Variants in SULT2B1 observed in about 807,000 individuals in gnomAD.
SULT2B1 encodes the protein sulfotransferase 2B1.
Under a neutral mutation model 33.2 loss-of-function variants are expected in SULT2B1, and 16 were observed. The observed-to-expected ratio is 0.48, with a 90% confidence interval of 0.33 to 0.73. SULT2B1 has a LOEUF of 0.73. SULT2B1 is among the 30% of genes least tolerant of loss of function. SULT2B1 has a pLI of 0.02. For missense variants in SULT2B1, 500 were observed against 506.0 expected (o/e 0.99, Z 0.11); for synonymous variants, 186 against 200.5 (o/e 0.93, Z 0.61).
chr19:48,585,460 G>A (rs1973548881), intron 2 of SULT2B1, among the ~76,000 whole-genome samples: 1 of 152,068 alleles, frequency 6.6e-6, no homozygotes, highest in Non-Finnish European at 1.5e-5. Context: ...TGGAGGTCAA[G>A]AGTTCGAGAC....
Position 48,561,592 on chromosome 19 carries a change from G to A in SULT2B1, c.71+9269G>A, listed in dbSNP as rs181451583. On this transcript the variant is annotated intron_variant, in intron 1 of 6. Transcript: ENST00000201586. ...AGGCGACAGGCGTCGTGCAGGGTGC[G>A]GTTCCACGGTGTAGTGGAGCATGCG... 2.3e-4 allele frequency among the ~76,000 whole-genome samples: 35 copies of A among 152,248 alleles called. 1 individual carries two copies. In the South Asian group the frequency reaches 3.7e-3, roughly 16 times the overall value.
intron 1 of SULT2B1, among the ~76,000 whole-genome samples, chr19:48,563,158 T>A (rs1410146508): frequency 6.6e-6 from 1 of 152,110 alleles, no homozygotes. Flanking sequence ...CAAGCCATTC[T>A]CCCGCCTTGG....
intron 4 of SULT2B1, 63 bp downstream of exon 4, chr19:48,591,798 A>T: frequency 6.7e-7 from 1 of 1,482,654 alleles, no homozygotes; most frequent in Non-Finnish European, 9.0e-7. Flanking sequence ...CCTGATGGGC[A>T]GAGGGACAGA....
chr19:48,577,154 T>C (rs1045746520), intron 2 of SULT2B1, among the ~76,000 whole-genome samples: 2 of 148,638 alleles, frequency 1.3e-5, no homozygotes, highest in Non-Finnish European at 1.5e-5. Flanking sequence ...TGCCTCAGCC[T>C]CCTGAGTAGC....
At position 48,596,866 on chromosome 19, in the gene SULT2B1, C is replaced by A. The variant is rs143866846; in HGVS notation, c.773C>A (p.Thr258Lys). ...AMKANTMSNY[T>K]LLPPSLLDHR... ...AAGGCCAACACCATGTCCAACTACA[C>A]GCTGCTGCCTCCCAGCCTGCTGGAC... Residue 258 changes from threonine to lysine, a missense_variant, in exon 6 of 7, where the codon ACG becomes AAG. Coordinates refer to ENST00000201586, the MANE Select transcript of SULT2B1 (RefSeq NM_177973.2). The A allele has an allele frequency of 1.2e-6, 2 of 1,608,070 alleles. No individual in the cohort carries two copies.
chr19:48,591,449 C>T (rs577868069), intron 3 of SULT2B1, among the ~76,000 whole-genome samples, 160 bp from the exon 4 acceptor site: 3 of 151,986 alleles, frequency 2.0e-5, no homozygotes, highest in East Asian at 1.9e-4. Flanking sequence ...CCAGCCTGGG[C>T]GAAACAGAGT....
rs932006884 is a variant in SULT2B1 at position 48,552,314 on chromosome 19, C to T, written c.62C>T (p.Ser21Leu). Residue 21 changes from serine (S) to leucine (L), a missense_variant, in exon 1 of 7, where the codon TCG becomes TTG. Physicochemically the swap from Ser to Leu is moderately radical, Grantham distance 145. Transcript: ENST00000201586. This position sits in a 1 kb window ranked among gnomAD's most constrained non-coding sequence, Gnocchi z 4.8. ...TGGGACACCTATGAAGATGACATCT[C>T]GGAAATCAGGTGAGGCCCAGACCTG... The part of the protein sequence containing the change: ...GLWDTYEDDI[S>L]EISQKLPGEY... 8 of 1,613,842 alleles carry T rather than the reference C, an allele frequency of 5.0e-6. No individual in the cohort carries two copies. The highest frequency in any genetic ancestry group is 6.8e-6 in the Non-Finnish European group (8 of 1,179,922).
chr19:48,564,761 C>G (rs1424929257), intron 1 of SULT2B1, among the ~76,000 whole-genome samples: 1 of 151,662 alleles, frequency 6.6e-6, no homozygotes, highest in Non-Finnish European at 1.5e-5. Context: ...TCTTTGCATC[C>G]CTCTAGCCAT....
At chr19:48,559,922 A>T (rs1601086553) in intron 1 of SULT2B1, among the ~76,000 whole-genome samples, 1 of 151,752 alleles carries the variant, frequency 6.6e-6, no homozygotes, top group South Asian at 2.1e-4. Flanking sequence ...GGAGTTCAAG[A>T]CCAGCCTGGG....
chr19:48,561,156 G>T (rs1392621759), intron 1 of SULT2B1, among the ~76,000 whole-genome samples: 1 of 151,840 alleles, frequency 6.6e-6, no homozygotes, highest in Non-Finnish European at 1.5e-5. Flanking sequence ...CGGGCCCGGT[G>T]TGGTGGCTCA....
At chr19:48,587,499 G>A in intron 3 of SULT2B1, 62 bp downstream of exon 3, 1 of 1,563,916 alleles carries the variant, frequency 6.4e-7, no homozygotes, top group South Asian at 1.1e-5. Flanking sequence ...GTAATGGGGG[G>A]ACGGAGCATA....
At position 48,552,229 on chromosome 19, in the gene SULT2B1, C is replaced by T. The variant is rs1248832726; in HGVS notation, c.-24C>T. On this transcript the variant is annotated 5_prime_UTR_variant, in exon 1 of 7. Transcript: ENST00000201586. This position sits in a 1 kb window ranked among gnomAD's most constrained non-coding sequence, Gnocchi z 4.8. ...GCCGCCTGCTCCCTGCTCGTCCTCC[C>T]CTCCCCACCCTCACCCACCTGCCAT... The T allele has an allele frequency of 1.2e-6, 2 of 1,611,940 alleles. No homozygotes were observed. Among genetic ancestry groups the T allele is most frequent in the Non-Finnish European group, 1.7e-6 (2 of 1,178,890 alleles).
In SULT2B1 at chr19:48,580,413, C is replaced by T. The variant is rs189571215; in HGVS notation, c.214+4330C>T. Among the ~76,000 whole-genome samples, 95 of 152,182 alleles carry T rather than the reference C, an allele frequency of 6.2e-4. 2 individuals carry two copies. Among genetic ancestry groups the T allele is most frequent in the African/African-American group, 2.1e-3 (87 of 41,538 alleles). ...TAGCTGGGACCACAGACATGCACCA[C>T]CACGCCCAGCTAATTTTTGTATTTT... On this transcript the variant is annotated intron_variant, in intron 2 of 6. Coordinates refer to ENST00000201586, the MANE Select transcript of SULT2B1 (RefSeq NM_177973.2).
intron 1 of SULT2B1, among the ~76,000 whole-genome samples, chr19:48,568,297 A>C (rs993066673): frequency 1.3e-5 from 2 of 151,820 alleles, no homozygotes; most frequent in Non-Finnish European, 2.9e-5. Flanking sequence ...AAAAAAAAAA[A>C]AAAAAGTATT....
At chr19:48,595,576 G>A (rs1973699893) in intron 5 of SULT2B1, among the ~76,000 whole-genome samples, 1 of 151,910 alleles carries the variant, frequency 6.6e-6, no homozygotes, top group Non-Finnish European at 1.5e-5. Context: ...GGAGGAATGT[G>A]TAGGGAATGG....
intron 6 of SULT2B1, among the ~76,000 whole-genome samples, chr19:48,597,720 T>C (rs1404830023): frequency 1.4e-5 from 2 of 146,900 alleles, no homozygotes; most frequent in East Asian, 2.1e-4. Context: ...CTCGGCTCAC[T>C]GCAACCTCCG....
chr19:48,582,361 A>C (rs1343248557), intron 2 of SULT2B1, among the ~76,000 whole-genome samples: 1 of 150,852 alleles, frequency 6.6e-6, no homozygotes, highest in Non-Finnish European at 1.5e-5. Flanking sequence ...CTAGTGACTG[A>C]TATTAATGTT....
chr19:48,579,668 G>T (rs1378799273), intron 2 of SULT2B1, among the ~76,000 whole-genome samples: 3 of 143,080 alleles, frequency 2.1e-5, no homozygotes, highest in African/African-American at 5.3e-5. Flanking sequence ...ATGCAATGGC[G>T]CAGTCTCGGC....
intron 2 of SULT2B1, among the ~76,000 whole-genome samples, chr19:48,586,169 C>CTGTGATCACACCACTGCA (rs1373331724): frequency 2.6e-5 from 4 of 152,148 alleles, no homozygotes; most frequent in Non-Finnish European, 5.9e-5. Context: ...CTGCAGTGAG[C>CTGTGATCACACCACTGCA]TGTGATCACA....
Sources: allele counts gnomAD v4.1 joint callset (sites outside exome capture counted in the v4.1 genomes callset), GRCh38; gene constraint gnomAD v4.1.1; non-coding constraint Gnocchi (gnomAD v3.1); transcripts MANE v1.5; gene names NCBI Gene and HGNC (gene_info 2026-07-23, HGNC 2026-07-21).